VAT1L: variants seen among roughly 807,000 people sequenced by gnomAD.
VAT1L encodes vesicle amine transport 1 like.
VAT1L carries 34 observed loss-of-function variants against 44.1 expected under a neutral mutation model. The ratio of observed to expected loss-of-function variants is 0.77; its 90% CI spans 0.59 to 1.03. The LOEUF is 1.03. Ranked by LOEUF, VAT1L falls within the 50% of genes least tolerant of loss-of-function variation. The pLI, the probability that VAT1L is intolerant of heterozygous loss-of-function variation, is 0.00. For synonymous variants in VAT1L, 253 were observed against 202.2 expected (o/e 1.25, Z -2.13); for missense variants, 615 against 538.8 (o/e 1.14, Z -1.40).
intron 3 of VAT1L, among the ~76,000 whole-genome samples, chr16:77,854,434 T>C (rs1334544588): frequency 6.6e-6 from 1 of 152,202 alleles, no homozygotes; most frequent in East Asian, 1.9e-4. Flanking sequence ...GAGTTTGAAT[T>C]TCCTCTTCTT....
chr16:77,848,957 A>T (rs1597065434), intron 3 of VAT1L, among the ~76,000 whole-genome samples: 1 of 152,168 alleles, frequency 6.6e-6, no homozygotes, highest in South Asian at 2.1e-4. Flanking sequence ...ACCAAACACC[A>T]CATGTTCTCA....
intron 7 of VAT1L, among the ~76,000 whole-genome samples, chr16:77,908,133 G>C (rs1441263934): frequency 6.6e-6 from 1 of 151,966 alleles, no homozygotes; most frequent in Non-Finnish European, 1.5e-5. Flanking sequence ...CAGCTACTCG[G>C]GAGGGTGAGG....
intron 7 of VAT1L, among the ~76,000 whole-genome samples, chr16:77,933,090 C>G (rs532551605): frequency 2.6e-5 from 4 of 152,224 alleles, no homozygotes; most frequent in Non-Finnish European, 5.9e-5. Flanking sequence ...AAGTACAAAT[C>G]TTTCCACCTC....
At position 77,978,701 on chromosome 16, in the gene VAT1L, T is replaced by C. The variant is rs1040064272; in HGVS notation, c.*1006T>C. The C allele has an allele frequency of 1.1e-4, 16 of 152,332 alleles. No individual in the cohort carries two copies. Among genetic ancestry groups the C allele is most frequent in the African/African-American group, 3.6e-4 (15 of 41,574 alleles). The allele number at this position is 152,332 out of a possible 1,614,324, so 9.4% of individuals were successfully genotyped here. ...ACAAACTCTAGGGATACAAAAGGTTTATATTCAGCATCTGATGTCAGATGT... is the reference window on the plus strand; with the variant it reads ...ACAAACTCTAGGGATACAAAAGGTTCATATTCAGCATCTGATGTCAGATGT... On this transcript the variant is annotated 3_prime_UTR_variant, in exon 9 of 9. Coordinates refer to ENST00000302536, the MANE Select transcript of VAT1L (RefSeq NM_020927.3).
At chr16:77,813,706 C>T (rs1341415766) in intron 1 of VAT1L, among the ~76,000 whole-genome samples, 2 of 152,196 alleles carry the variant, frequency 1.3e-5, no homozygotes, top group Admixed American at 1.3e-4. Flanking sequence ...TGTCTTTTGA[C>T]ATCCTTTCTA....
At chr16:77,870,250 G>A (rs558017657) in intron 4 of VAT1L, among the ~76,000 whole-genome samples, 15 of 152,222 alleles carry the variant, frequency 9.9e-5, no homozygotes, top group East Asian at 1.9e-4. Flanking sequence ...TACCAGGCAC[G>A]GTGCTTGGCA....
intron 3 of VAT1L, among the ~76,000 whole-genome samples, chr16:77,834,486 C>T (rs2016617448): frequency 1.3e-5 from 2 of 152,148 alleles, no homozygotes; most frequent in South Asian, 2.1e-4. Flanking sequence ...CAGGCCTGCC[C>T]CGTCCTGTGA....
intron 7 of VAT1L, among the ~76,000 whole-genome samples, chr16:77,937,888 G>A (rs1239212236): frequency 1.3e-5 from 2 of 152,222 alleles, no homozygotes; most frequent in African/African-American, 4.8e-5. Flanking sequence ...ATTACCGAAG[G>A]AAACTTGCCC....
rs1450760511 is a variant in VAT1L, at chr16:77,788,793, G to T, written c.111G>T (p.Gly37=). The T allele has an allele frequency of 6.4e-7, 1 of 1,569,124 alleles. No individual in the cohort carries two copies. ...GGGGDGSHRL[G]DAQEMRAVVL... The stretch of plus-strand genomic sequence containing the variant: ...GCGGCGACGGCTCGCACCGCCTCGG[G>T]GACGCCCAGGAGATGCGCGCGGTGG... The change falls in exon 1 of 9, where the codon GGG becomes GGT. Residue 37 remains glycine, a synonymous_variant. Transcript: ENST00000302536.
At chr16:77,858,401 G>C (rs1156272134) in intron 3 of VAT1L, among the ~76,000 whole-genome samples, 1 of 152,224 alleles carries the variant, frequency 6.6e-6, no homozygotes, top group Non-Finnish European at 1.5e-5. Flanking sequence ...CAGGATAGCA[G>C]ATATGCTGCT....
chr16:77,807,997 A>G (rs1360743413), intron 1 of VAT1L, among the ~76,000 whole-genome samples: 1 of 152,028 alleles, frequency 6.6e-6, no homozygotes, highest in African/African-American at 2.4e-5. Context: ...TGGTGGCTAT[A>G]TGAGCACTTT....
chr16:77,925,258 C>T (rs1433015496), intron 7 of VAT1L, among the ~76,000 whole-genome samples: 1 of 152,102 alleles, frequency 6.6e-6, no homozygotes, highest in African/African-American at 2.4e-5. Flanking sequence ...TTTTACACCC[C>T]CTGGTCTTTC....
chr16:77,807,618 C>T (rs75270726), intron 1 of VAT1L, among the ~76,000 whole-genome samples: 8,867 of 152,186 alleles, frequency 0.058, 511 homozygotes, highest in African/African-American at 0.13. Flanking sequence ...ATCTCAGTCT[C>T]GGAGTCTGTT....
intron 3 of VAT1L, among the ~76,000 whole-genome samples, chr16:77,862,017 G>A (rs961622613): frequency 3.9e-5 from 6 of 152,108 alleles, no homozygotes; most frequent in Admixed American, 2.0e-4. Flanking sequence ...TCTTAGGTTC[G>A]GCTTCTGGGG....
In VAT1L at chr16:77,978,718, G is replaced by A. The variant is rs1361906356; in HGVS notation, c.*1023G>A. The A allele has an allele frequency of 1.3e-5, 2 of 152,180 alleles. No individual in the cohort carries two copies. Among genetic ancestry groups the A allele is most frequent in the Non-Finnish European group, 2.9e-5 (2 of 68,038 alleles). The allele number at this position is 152,180 out of a possible 1,614,324, so 9.4% of individuals were successfully genotyped here. A position where few individuals can be genotyped will look rare whatever the true frequency, so the allele number is the denominator to read the frequency against. On this transcript the variant is annotated 3_prime_UTR_variant, in exon 9 of 9. Coordinates refer to ENST00000302536, the MANE Select transcript of VAT1L (RefSeq NM_020927.3). ...AAAAGGTTTATATTCAGCATCTGAT[G>A]TCAGATGTACAGTTCCTCCCCTCCC... is the stretch of plus-strand genomic sequence containing the variant.
At chr16:77,926,224 G>T (rs1285545755) in intron 7 of VAT1L, among the ~76,000 whole-genome samples, 4 of 142,922 alleles carry the variant, frequency 2.8e-5, no homozygotes, top group Non-Finnish European at 6.0e-5. Context: ...CTGCACTCCA[G>T]TCTGGGCAAC....
chr16:77,813,445 A>G (rs975134752), intron 1 of VAT1L, among the ~76,000 whole-genome samples: 2 of 152,232 alleles, frequency 1.3e-5, no homozygotes, highest in African/African-American at 4.8e-5. Context: ...ACATGTGTGA[A>G]GTAATGAAGG....
intron 7 of VAT1L, among the ~76,000 whole-genome samples, chr16:77,915,992 G>C (rs761004907): frequency 6.6e-6 from 1 of 152,174 alleles, no homozygotes; most frequent in African/African-American, 2.4e-5. Flanking sequence ...TGAGGAGCTG[G>C]CATACTTAAG....
intron 7 of VAT1L, among the ~76,000 whole-genome samples, chr16:77,929,845 A>T (rs2017709485): frequency 6.6e-6 from 1 of 152,214 alleles, no homozygotes. Flanking sequence ...ACAGTAACTC[A>T]AAAACTGCCC....
Sources: gnomAD v4.1 joint callset for allele counts (sites outside exome capture counted in the v4.1 genomes callset) on GRCh38, gnomAD v4.1.1 for gene constraint, MANE v1.5 for transcripts, NCBI Gene and HGNC (gene_info 2026-07-23, HGNC 2026-07-21) for gene names.